The following CLIP1 variants were observed in gnomAD, a reference collection of about 807,000 sequenced individuals.
The protein encoded by CLIP1 is CAP-Gly domain containing linker protein 1.
Under a neutral mutation model 161.6 loss-of-function variants are expected in CLIP1, and 66 were observed. That is an observed-to-expected ratio of 0.41 (90% CI 0.33 to 0.50). The LOEUF is 0.50. Among genes scored for constraint, CLIP1 ranks in the 20% least tolerant of loss-of-function variants. The pLI is 0.27. For synonymous variants in CLIP1, 598 were observed against 626.2 expected, an observed-to-expected ratio of 0.96 and a Z score of 0.67; for missense variants, 1,376 against 1,702.0, an observed-to-expected ratio of 0.81 and a Z score of 3.37.
chr12:122,299,029 A>G (rs541417261), intron 20 of CLIP1, among the ~76,000 whole-genome samples: 33 of 152,068 alleles, frequency 2.2e-4, no homozygotes, highest in African/African-American at 8.0e-4. Context: ...GCCAATACAT[A>G]CAAGTAGTTC....
intron 18 of CLIP1, among the ~76,000 whole-genome samples, chr12:122,318,130 T>C (rs1951340512): frequency 6.6e-6 from 1 of 152,252 alleles, no homozygotes; most frequent in Non-Finnish European, 1.5e-5. Context: ...CTTTGAAAAG[T>C]TGATCCTTGA....
At chr12:122,395,971 G>A (rs1026763304) in intron 1 of CLIP1, 1 of 152,196 alleles carries the variant, frequency 6.6e-6, no homozygotes, top group Non-Finnish European at 1.5e-5. Context: ...GCTGGGCATG[G>A]TGGTGCGTGC....
intron 3 of CLIP1, among the ~76,000 whole-genome samples, chr12:122,375,303 G>A (rs1954662298): frequency 6.6e-6 from 1 of 151,348 alleles, no homozygotes; most frequent in Admixed American, 6.6e-5. Flanking sequence ...TCATTTGAAA[G>A]GCCCTGAAAT....
At chr12:122,401,993 C>T (rs1013836709) in intron 1 of CLIP1, among the ~76,000 whole-genome samples, 3 of 147,026 alleles carry the variant, frequency 2.0e-5, no homozygotes, top group Non-Finnish European at 3.0e-5. Context: ...GCAAAACTCC[C>T]GCTCAAAAAA....
intron 8 of CLIP1, among the ~76,000 whole-genome samples, chr12:122,352,348 C>T (rs536964479): frequency 1.3e-5 from 2 of 152,256 alleles, no homozygotes; most frequent in East Asian, 3.9e-4. Flanking sequence ...TGAACCACCG[C>T]ACCCGGCCTG....
Position 122,279,433 on chromosome 12 carries a change from TAA to T in CLIP1, c.3648-290_3648-289del, listed in dbSNP as rs11333609. ...TTAATAAATTTGGAAGAGGTAGAAT[TAA>T]AAAAAAAAAAAACGGTTGCACCCTC... On this transcript the variant is annotated intron_variant, in intron 21 of 25. Transcript: ENST00000620786. This position sits in a 1 kb window ranked among gnomAD's most constrained non-coding sequence, Gnocchi z 4.5. 84 of 145,276 alleles carry T rather than the reference TAA, an allele frequency of 5.8e-4. No individual in the cohort carries two copies. Among genetic ancestry groups the T allele is most frequent in the East Asian group, 1.7e-3 (9 of 5,144 alleles). 9.0% of individuals were successfully genotyped at this position (145,276 alleles called of 1,614,324 possible). A position where few individuals can be genotyped will look rare whatever the true frequency, so the allele number is the denominator to read the frequency against.
intron 3 of CLIP1, among the ~76,000 whole-genome samples, chr12:122,376,722 G>T (rs1468516060): frequency 1.3e-5 from 2 of 151,552 alleles, no homozygotes. Flanking sequence ...CACCCACCTG[G>T]GACTCCCAAA....
intron 20 of CLIP1, among the ~76,000 whole-genome samples, chr12:122,290,510 G>A (rs1262793384): frequency 2.6e-5 from 4 of 151,968 alleles, no homozygotes. Context: ...CTTTAAAGAA[G>A]GAATCTGTTT....
chr12:122,415,264 G>A (rs943990130), intron 1 of CLIP1, among the ~76,000 whole-genome samples: 7 of 136,504 alleles, frequency 5.1e-5, no homozygotes, highest in Non-Finnish European at 9.6e-5. Flanking sequence ...GGCGGATCAC[G>A]AGGTCAGGAG....
chr12:122,326,954 T>C (rs985381285), intron 17 of CLIP1, among the ~76,000 whole-genome samples: 1 of 152,194 alleles, frequency 6.6e-6, no homozygotes, highest in African/African-American at 2.4e-5. Flanking sequence ...ACACATACCA[T>C]GTCATGTCCA....
intron 1 of CLIP1, among the ~76,000 whole-genome samples, chr12:122,410,606 G>C (rs1055589438): frequency 1.3e-5 from 2 of 151,542 alleles, no homozygotes; most frequent in African/African-American, 4.8e-5. Flanking sequence ...TTACAGGCAC[G>C]TGCCACCACA....
At chr12:122,308,150 G>A (rs1042595344) in intron 20 of CLIP1, among the ~76,000 whole-genome samples, 1 of 152,180 alleles carries the variant, frequency 6.6e-6, no homozygotes, top group Non-Finnish European at 1.5e-5. Flanking sequence ...TCTAAACAAG[G>A]AAGCATGATG....
rs770000470 is a variant in CLIP1 at position 122,328,172 on chromosome 12, C to T, written c.3034-10G>A. The stretch of plus-strand genomic sequence containing the variant: ...TTTCCATTTTCTTTTCCTGCAGAGA[C>T]CCCGAATGAGGGAATGAGTCATCTG... On this transcript the variant is annotated splice_polypyrimidine_tract_variant and intron_variant, in intron 16 of 25. Coordinates refer to ENST00000620786, the MANE Select transcript of CLIP1 (RefSeq NM_001247997.2). The T allele has an allele frequency of 6.2e-7, 1 of 1,613,696 alleles. No homozygotes were observed. Among genetic ancestry groups the T allele is most frequent in the Non-Finnish European group, 8.5e-7 (1 of 1,179,918 alleles).
In CLIP1 at chr12:122,272,188, A is replaced by G. The variant is rs1955208892; in HGVS notation, c.*687T>C. The G allele has an allele frequency of 6.6e-6, 1 of 152,584 alleles. No individual in the cohort carries two copies. Among genetic ancestry groups the G allele is most frequent in the Non-Finnish European group, 1.5e-5 (1 of 68,036 alleles). The allele number at this position is 152,584 out of a possible 1,614,324, so 9.5% of individuals were successfully genotyped here. A position where few individuals can be genotyped will look rare whatever the true frequency, so the allele number is the denominator to read the frequency against. Reference sequence around the variant, plus strand: ...ATACATACAATATATAGAAGCTGAAATTATGCAAAACTAATAAACAAAACA... The same window carrying G: ...ATACATACAATATATAGAAGCTGAAGTTATGCAAAACTAATAAACAAAACA... On this transcript the variant is annotated 3_prime_UTR_variant, in exon 26 of 26. Transcript: ENST00000620786.
chr12:122,273,596 C>T (rs1955267150), intron 25 of CLIP1, among the ~76,000 whole-genome samples: 1 of 152,092 alleles, frequency 6.6e-6, no homozygotes, highest in Non-Finnish European at 1.5e-5. Context: ...TCCTCTCACT[C>T]ACTTGCCAGA....
chr12:122,362,964 T>A (rs909429172), intron 4 of CLIP1, among the ~76,000 whole-genome samples: 1 of 152,162 alleles, frequency 6.6e-6, no homozygotes, highest in African/African-American at 2.4e-5. Flanking sequence ...AATTACTGTA[T>A]CTGGTAGATA....
chr12:122,370,241 T>G (rs10846714), intron 3 of CLIP1, among the ~76,000 whole-genome samples: 51,794 of 143,644 alleles, frequency 0.36, 9,409 homozygotes, highest in East Asian at 0.61. Context: ...GAGAAAGGGG[T>G]GTGAGAAGGA....
intron 10 of CLIP1, chr12:122,342,841 AC>A (rs1331488305): frequency 2.6e-4 from 39 of 151,290 alleles, no homozygotes; most frequent in African/African-American, 7.7e-4. Context: ...AAAAAAAAAA[AC>A]AAACTGAAAT....
intron 9 of CLIP1, among the ~76,000 whole-genome samples, chr12:122,350,024 C>A (rs1952948449): frequency 6.6e-6 from 1 of 151,892 alleles, no homozygotes; most frequent in African/African-American, 2.4e-5. Context: ...CCTGCCTCAG[C>A]CTCCCTAGTA....
Sources: gnomAD v4.1 joint callset for allele counts (sites outside exome capture counted in the v4.1 genomes callset) on GRCh38, gnomAD v4.1.1 for gene constraint, Gnocchi (gnomAD v3.1) non-coding constraint, MANE v1.5 for transcripts, NCBI Gene and HGNC (gene_info 2026-07-23, HGNC 2026-07-21) for gene names.